The following QSOX1 variants were observed in gnomAD, a reference collection of about 807,000 sequenced individuals.
The protein encoded by QSOX1 is quiescin sulfhydryl oxidase 1.
Under a neutral mutation model 76.1 loss-of-function variants are expected in QSOX1, and 40 were observed. The ratio of observed to expected loss-of-function variants is 0.53; its 90% confidence interval spans 0.41 to 0.68. The LOEUF (loss-of-function observed/expected upper bound fraction) is 0.68, where lower values mean the gene tolerates loss of function less well. Ranked by LOEUF, QSOX1 falls within the 30% of genes least tolerant of loss-of-function variation. The probability of loss-of-function intolerance (pLI) is 0.00; values close to 1 mark genes in which losing one functional copy is unlikely to be tolerated. For missense variants in QSOX1, 931 were observed against 974.3 expected, an observed-to-expected ratio of 0.96 and a Z score of 0.59; for synonymous variants, 392 against 413.1, an observed-to-expected ratio of 0.95 and a Z score of 0.62.
At chr1:180,188,484 A>C (rs1045722261) in intron 8 of QSOX1, among the ~76,000 whole-genome samples, 1 of 152,250 alleles carries the variant, frequency 6.6e-6, no homozygotes, top group Non-Finnish European at 1.5e-5. Flanking sequence ...GGATGATGGC[A>C]AAGGTCAGTG....
intron 8 of QSOX1, among the ~76,000 whole-genome samples, chr1:180,187,319 C>G (rs1572052028): frequency 6.6e-6 from 1 of 152,338 alleles, no homozygotes; most frequent in Non-Finnish European, 1.5e-5. Flanking sequence ...TAATAGAGAC[C>G]TTTCCTCCAA....
At position 180,201,004 on chromosome 1, in the gene QSOX1, G is replaced by C. The variant is rs1046796385; in HGVS notation, c.*3967G>C. 2.0e-5 allele frequency: 3 copies of C among 152,204 alleles called. No individual in the cohort carries two copies. Among genetic ancestry groups the C allele is most frequent in the Admixed American group, 2.0e-4 (3 of 15,286 alleles). 9.4% of individuals were successfully genotyped at this position (152,204 alleles called of 1,614,324 possible). On this transcript the variant is annotated 3_prime_UTR_variant, in exon 12 of 12. Coordinates refer to ENST00000367602, the MANE Select transcript of QSOX1 (RefSeq NM_002826.5). Reference sequence around the variant, plus strand: ...GCTCTCGCTCCATTCCCTACATCGAGGCTGAAGTGCCCTGTCTCGGGTCCT... The same window carrying C: ...GCTCTCGCTCCATTCCCTACATCGACGCTGAAGTGCCCTGTCTCGGGTCCT...
At chr1:180,171,313 C>T (rs1460444686) in intron 2 of QSOX1, among the ~76,000 whole-genome samples, 3 of 151,844 alleles carry the variant, frequency 2.0e-5, no homozygotes, top group Non-Finnish European at 4.4e-5. Context: ...TAGGACTTGT[C>T]AGCTAACTGG....
At chr1:180,183,360 G>GA (rs1444464123) in intron 6 of QSOX1, among the ~76,000 whole-genome samples, 1 of 80,984 alleles carries the variant, frequency 1.2e-5, no homozygotes, top group African/African-American at 4.6e-5. Context: ...CTCCCTGTCG[G>GA]AAAAAAGAAA....
intron 2 of QSOX1, among the ~76,000 whole-genome samples, chr1:180,175,006 AATT>A (rs1662850401): frequency 6.6e-6 from 1 of 152,036 alleles, no homozygotes; most frequent in South Asian, 2.1e-4. Flanking sequence ...ACACAAAAAA[AATT>A]AGTCGAGTGT....
intron 5 of QSOX1, among the ~76,000 whole-genome samples, chr1:180,181,305 C>T (rs1021896630): frequency 2.6e-5 from 4 of 152,192 alleles, no homozygotes; most frequent in African/African-American, 4.8e-5. Context: ...TAACAGAAGT[C>T]CGTGCCTGCC....
intron 10 of QSOX1, among the ~76,000 whole-genome samples, chr1:180,192,283 C>G (rs567827722): frequency 5.3e-5 from 8 of 152,032 alleles, no homozygotes; most frequent in Non-Finnish European, 2.9e-5. Context: ...AGGCCGGGGG[C>G]GGAGGTGAGC....
At chr1:180,192,316 G>T (rs1240682842) in intron 10 of QSOX1, among the ~76,000 whole-genome samples, 1 of 152,212 alleles carries the variant, frequency 6.6e-6, no homozygotes, top group Non-Finnish European at 1.5e-5. Context: ...AGAGGCCTTG[G>T]CGAGGGCAGG....
At position 180,198,172 on chromosome 1, in the gene QSOX1, A is replaced by T; in HGVS notation, c.*1135A>T. 1 of 456,686 alleles carries T rather than the reference A, an allele frequency of 2.2e-6. No individual in the cohort carries two copies. The highest frequency in any genetic ancestry group is 4.4e-6 in the Non-Finnish European group (1 of 226,946). The allele number at this position is 456,686 out of a possible 1,614,324, so 28.3% of individuals were successfully genotyped here. ...CACAGCTCCTGGCCACAGACTGCCC[A>T]TAGAACTGTCTGCACCCAAACCCCA... On this transcript the variant is annotated 3_prime_UTR_variant, in exon 12 of 12. Coordinates refer to ENST00000367602, the MANE Select transcript of QSOX1 (RefSeq NM_002826.5).
At chr1:180,176,956 C>T (rs1389335166) in intron 4 of QSOX1, among the ~76,000 whole-genome samples, 1 of 152,218 alleles carries the variant, frequency 6.6e-6, no homozygotes, top group African/African-American at 2.4e-5. Flanking sequence ...TTGAATCCAA[C>T]TCACAATGAC....
chr1:180,202,351 C>G lies in QSOX1; in HGVS notation c.*5314C>G, dbSNP rs57306173. ...TCCATAGGAAAGTGGGCTTCAGGTG[C>G]TGCCTATTAAACCTCCTGCCTCCCC... On this transcript the variant is annotated 3_prime_UTR_variant, in exon 12 of 12. Coordinates refer to ENST00000367602, the MANE Select transcript of QSOX1 (RefSeq NM_002826.5). The G allele has an allele frequency of 0.03, 4,530 of 152,390 alleles. 211 individuals carry two copies. The highest frequency in any genetic ancestry group is 0.24 in the East Asian group (1,210 of 5,148). 9.4% of individuals were successfully genotyped at this position (152,390 alleles called of 1,614,324 possible). A position where few individuals can be genotyped will look rare whatever the true frequency, so the allele number is the denominator to read the frequency against.
At position 180,199,200 on chromosome 1, in the gene QSOX1, T is replaced by G. The variant is rs952738488; in HGVS notation, c.*2163T>G. On this transcript the variant is annotated 3_prime_UTR_variant, in exon 12 of 12. Transcript: ENST00000367602. The stretch of plus-strand genomic sequence containing the variant: ...CTCAGCAGCGTGGCTGCCTTTCACC[T>G]TGATTTCCCCAGGGCTCTCGGCAAC... The G allele has an allele frequency of 6.6e-6, 1 of 152,234 alleles. No individual in the cohort carries two copies. Among genetic ancestry groups the G allele is most frequent in the African/African-American group, 2.4e-5 (1 of 41,466 alleles). 9.4% of individuals were successfully genotyped at this position (152,234 alleles called of 1,614,324 possible).
intron 5 of QSOX1, 37 bp downstream of exon 5, chr1:180,178,921 G>C (rs747674831): frequency 1.7e-5 from 27 of 1,567,168 alleles, no homozygotes; most frequent in Non-Finnish European, 2.4e-5. Flanking sequence ...TTCTTGGATA[G>C]CCATGGAGAG....
intron 8 of QSOX1, among the ~76,000 whole-genome samples, chr1:180,188,162 A>G (rs563031022): frequency 6.6e-6 from 1 of 152,196 alleles, no homozygotes; most frequent in Non-Finnish European, 1.5e-5. Flanking sequence ...CATCCAGCCC[A>G]TGCCCATTAC....
In QSOX1 at chr1:180,196,363, G is replaced by A. The variant is rs780683008; in HGVS notation, c.1570G>A (p.Val524Met). The change falls in exon 12 of 12, where the codon GTG (valine) becomes ATG (methionine). Residue 524 changes from valine to methionine, a missense_variant. By Grantham distance (21) the Val-to-Met change is conservative (BLOSUM62 1). Coordinates refer to ENST00000367602, the MANE Select transcript of QSOX1 (RefSeq NM_002826.5). This position sits in a 1 kb window ranked among gnomAD's most constrained non-coding sequence, Gnocchi z 4.1. Reference sequence around the variant, plus strand: ...ACGCCTGGATGTGCCCGTGTGGGACGTGGAAGCCACCCTCAACTTCCTCAA... The same window carrying A: ...ACGCCTGGATGTGCCCGTGTGGGACATGGAAGCCACCCTCAACTTCCTCAA... ...NERLDVPVWDVEATLNFLKAH... is the reference protein window; with the variant it reads ...NERLDVPVWDMEATLNFLKAH... The A allele has an allele frequency of 8.1e-6, 13 of 1,614,176 alleles. No homozygotes were observed. Among genetic ancestry groups the A allele is most frequent in the South Asian group, 5.5e-5 (5 of 91,082 alleles).
intron 8 of QSOX1, 82 bp from the exon 9 acceptor site, chr1:180,189,470 G>T: frequency 1.9e-6 from 2 of 1,034,856 alleles, no homozygotes; most frequent in South Asian, 2.5e-5. Flanking sequence ...GCCTTCTTCT[G>T]CATAGCTTCC....
At chr1:180,189,762 G>A (rs989292533) in intron 9 of QSOX1, 88 bp downstream of exon 9, 38 of 1,450,714 alleles carry the variant, frequency 2.6e-5, no homozygotes, top group Admixed American at 1.5e-4. Flanking sequence ...GACCTTCTTC[G>A]CCAGTTTGCA....
At chr1:180,193,012 T>G (rs1355582943) in intron 10 of QSOX1, among the ~76,000 whole-genome samples, 1 of 151,744 alleles carries the variant, frequency 6.6e-6, no homozygotes, top group African/African-American at 2.4e-5. Context: ...TGGCGCAAGA[T>G]GAGGACATCT....
intron 2 of QSOX1, 36 bp from the exon 3 acceptor site, chr1:180,175,281 ACTAT>A: frequency 6.2e-7 from 1 of 1,607,520 alleles, no homozygotes; most frequent in Non-Finnish European, 8.5e-7. Context: ...ACTCTTGGCC[ACTAT>A]CTATTACTGA....
Sources: gnomAD v4.1 joint callset for allele counts (sites outside exome capture counted in the v4.1 genomes callset) on GRCh38, gnomAD v4.1.1 for gene constraint, Gnocchi (gnomAD v3.1) non-coding constraint, MANE v1.5 for transcripts, NCBI Gene and HGNC (gene_info 2026-07-23, HGNC 2026-07-21) for gene names.